The following CES3 variants were observed in gnomAD, a reference collection of about 807,000 sequenced individuals.
CES3 encodes carboxylesterase 3 (brain).
Under a neutral mutation model 57.6 loss-of-function variants are expected in CES3, and 49 were observed. The observed-to-expected ratio is 0.85, with a 90% CI of 0.68 to 1.08. The LOEUF (loss-of-function observed/expected upper bound fraction) is 1.08. Ranked by LOEUF, CES3 falls within the 50% of genes least tolerant of loss-of-function variation. CES3 has a pLI of 0.00. For missense variants in CES3, 645 were observed against 742.0 expected (o/e 0.87, Z 1.52); for synonymous variants, 266 against 281.6 (o/e 0.94, Z 0.55).
In CES3 at chr16:66,975,077, C is replaced by T. The variant is rs1282960631; in HGVS notation, c.*2028C>T. 6.6e-6 allele frequency: 1 copy of T among 152,268 alleles called. No homozygotes were observed. Among genetic ancestry groups the T allele is most frequent in the Non-Finnish European group, 1.5e-5 (1 of 68,104 alleles). The allele number at this position is 152,268 out of a possible 1,614,324, so 9.4% of individuals were successfully genotyped here. A position where few individuals can be genotyped will look rare whatever the true frequency, so the allele number is the denominator to read the frequency against. On this transcript the variant is annotated 3_prime_UTR_variant, in exon 13 of 13. Coordinates refer to ENST00000303334, the MANE Select transcript of CES3 (RefSeq NM_024922.6). ...GGCTGCCTGAGCCAGCAGTGACAAC[C>T]CCCCTCGGGTCCCCTCCCACGCCGT... is the stretch of plus-strand genomic sequence containing the variant.
intron 10 of CES3, 63 bp downstream of exon 10, chr16:66,971,382 C>A: frequency 1.9e-6 from 3 of 1,552,714 alleles, no homozygotes; most frequent in Non-Finnish European, 2.6e-6. Flanking sequence ...TGGGTCATCA[C>A]AGGTGACATG....
chr16:66,966,474 C>T, intron 7 of CES3, 129 bp downstream of exon 7: 1 of 978,700 alleles, frequency 1.0e-6, no homozygotes, highest in East Asian at 2.6e-5. Context: ...GGGGAAGGGG[C>T]TGAGGGCTTG....
At chr16:66,966,373 C>T (rs754629690) in intron 7 of CES3, 28 bp downstream of exon 7, 8 of 1,601,386 alleles carry the variant, frequency 5.0e-6, no homozygotes, top group East Asian at 2.2e-5. Context: ...GGGATGGTGC[C>T]GGGCAATGGC....
Position 66,966,357 on chromosome 16 carries a change from CT to C in CES3, c.921+16del, listed in dbSNP as rs2145534439. On this transcript the variant is annotated intron_variant, in intron 7 of 12. Transcript: ENST00000303334. ...TTAGCAAGAAGCTGGTATGGCCACC[CT>C]TTTGGGGATGGTGCCGGGCAATGGC... is the stretch of plus-strand genomic sequence containing the variant. The C allele has an allele frequency of 6.2e-7, 1 of 1,612,104 alleles. No individual in the cohort carries two copies. The highest frequency in any genetic ancestry group is 8.5e-7 in the Non-Finnish European group (1 of 1,178,840).
chr16:66,971,414 C>T (rs1963831735), intron 10 of CES3, 95 bp downstream of exon 10: 4 of 1,345,890 alleles, frequency 3.0e-6, no homozygotes, highest in Non-Finnish European at 4.2e-6. Context: ...TGCTGGTTCC[C>T]TCAATGCCTT....
chr16:66,966,593 C>A, intron 7 of CES3, 132 bp from the exon 8 acceptor site: 1 of 1,217,986 alleles, frequency 8.2e-7, no homozygotes, highest in Non-Finnish European at 1.2e-6. Context: ...CCCCCTTAAC[C>A]CTGGTGATCT....
chr16:66,961,843 C>T (rs1297725545), intron 1 of CES3, among the ~76,000 whole-genome samples: 2 of 152,126 alleles, frequency 1.3e-5, no homozygotes, highest in Non-Finnish European at 2.9e-5. Flanking sequence ...GGATTACAGG[C>T]GTGAGCCACC....
intron 8 of CES3, among the ~76,000 whole-genome samples, chr16:66,969,211 G>T (rs1199469572): frequency 6.6e-6 from 1 of 152,226 alleles, no homozygotes; most frequent in East Asian, 1.9e-4. Flanking sequence ...TGTGAGACCA[G>T]CCTGGCCAAC....
At position 66,964,469 on chromosome 16, in the gene CES3, G is replaced by C. The variant is rs770656919; in HGVS notation, c.673G>C (p.Val225Leu). ...CGGGGGTGACCTCAACTGTGTCACT[G>C]TCTTTGGTGGATCTGCCGGTGGGAG... ...PFGGDLNCVT[V>L]FGGSAGGSII... The change falls in exon 5 of 13, where the codon GTC (valine) becomes CTC (leucine). Residue 225 changes from valine (V) to leucine (L), a missense_variant. Val to Leu is a conservative substitution (Grantham distance 32). Transcript: ENST00000303334. 2.5e-6 allele frequency: 4 copies of C among 1,614,138 alleles called. No homozygotes were observed. The South Asian group carries it at 3.3e-5, about 13-fold the overall frequency.
rs770137603 is a variant in CES3 at position 66,972,348 on chromosome 16, C to G, written c.1292-8C>G. 1.9e-6 allele frequency: 3 copies of G among 1,583,520 alleles called. No individual in the cohort carries two copies. Among genetic ancestry groups the G allele is most frequent in the African/African-American group, 2.7e-5 (2 of 73,866 alleles). ...GTGCCTAACTCCCATCCCATCCTTT[C>G]TCTGTAGATTCTGGAAGCCCTGTCT... On this transcript the variant is annotated splice_region_variant and splice_polypyrimidine_tract_variant and intron_variant, in intron 10 of 12. Transcript: ENST00000303334.
rs375663615 is a variant in CES3, at chr16:66,970,866, G to A, written c.1144-306G>A. On this transcript the variant is annotated intron_variant, in intron 9 of 12. Coordinates refer to ENST00000303334, the MANE Select transcript of CES3 (RefSeq NM_024922.6). ...TTACTTCCCAGTTAACTTCAACCGA[G>A]CACCTGCTTCCAGGCCAGACCCTTT... Among the ~76,000 whole-genome samples, 282 of 152,308 alleles carry A rather than the reference G, an allele frequency of 1.9e-3. 11 individuals carry two copies. The South Asian group carries it at 0.057, about 31-fold the overall frequency.
intron 8 of CES3, among the ~76,000 whole-genome samples, chr16:66,968,325 T>G (rs1963771411): frequency 6.6e-6 from 1 of 152,000 alleles, no homozygotes; most frequent in African/African-American, 2.4e-5. Flanking sequence ...CCACCATGCC[T>G]GGCTAATTTT....
Position 66,973,141 on chromosome 16 carries a change from C to A in CES3, c.*92C>A. 8.8e-7 allele frequency: 1 copy of A among 1,141,272 alleles called. No homozygotes were observed. The highest frequency in any genetic ancestry group is 1.3e-6 in the Non-Finnish European group (1 of 796,886). The allele number at this position is 1,141,272 out of a possible 1,614,324, so 70.7% of individuals were successfully genotyped here. ...CAGCCCGCCTCTCCCCCTGCTGAGA[C>A]TTTAATCTCCACCAGCCCTTAAAGT... On this transcript the variant is annotated 3_prime_UTR_variant, in exon 13 of 13. Transcript: ENST00000303334.
chr16:66,970,109 G>GTT lies in CES3; in HGVS notation c.1143+366_1143+367dup, dbSNP rs369272818. Among the ~76,000 whole-genome samples, 73 of 127,966 alleles carry GTT rather than the reference G, an allele frequency of 5.7e-4. 1 individual carries two copies. Among genetic ancestry groups the GTT allele is most frequent in the African/African-American group, 1.4e-3 (46 of 32,518 alleles). The allele number at this position is 127,966 out of a possible 152,430, so 84.0% of individuals were successfully genotyped here. On this transcript the variant is annotated intron_variant, in intron 9 of 12. Coordinates refer to ENST00000303334, the MANE Select transcript of CES3 (RefSeq NM_024922.6). The stretch of plus-strand genomic sequence containing the variant: ...TGTTTTCTTTTCTTTTCTTTTCTTT[G>GTT]TTTTTTTTTTTTTTTTTGAGACAGA...
In CES3 at chr16:66,974,247, G is replaced by A. The variant is rs1597026489; in HGVS notation, c.*1198G>A. 6.5e-6 allele frequency: 1 copy of A among 152,892 alleles called. No homozygotes were observed. The highest frequency in any genetic ancestry group is 2.1e-4 in the South Asian group (1 of 4,848). The allele number at this position is 152,892 out of a possible 1,614,324, so 9.5% of individuals were successfully genotyped here. On this transcript the variant is annotated 3_prime_UTR_variant, in exon 13 of 13. Transcript: ENST00000303334. ...CCTTTCTGGGCTGGCCAAGGCCGGA[G>A]CCAGCTCCCTCAGCTTGCGGGGAGG...
chr16:66,972,258 T>G (rs1315545530), intron 10 of CES3, 98 bp from the exon 11 acceptor site: 1 of 1,212,224 alleles, frequency 8.2e-7, no homozygotes, highest in Non-Finnish European at 1.1e-6. Flanking sequence ...ATCATCATCA[T>G]CATCATGGAA....
chr16:66,973,474 ACT>A lies in CES3; in HGVS notation c.*428_*429del, dbSNP rs71649616. On this transcript the variant is annotated 3_prime_UTR_variant, in exon 13 of 13. Transcript: ENST00000303334. ...TCAAAATGGGGATTAGCCTAACCCC[ACT>A]CTGTCACCCACACCAGGATCGGGTG... 31 of 162,218 alleles carry A rather than the reference ACT, an allele frequency of 1.9e-4. No homozygotes were observed. In the East Asian group the frequency reaches 5.5e-3, roughly 29 times the overall value. 10.0% of individuals were successfully genotyped at this position (162,218 alleles called of 1,614,324 possible). A position where few individuals can be genotyped will look rare whatever the true frequency, so the allele number is the denominator to read the frequency against.
Position 66,963,004 on chromosome 16 carries a change from G to A in CES3, c.83-175G>A, listed in dbSNP as rs1316883880. The A allele has an allele frequency of 9.5e-6, 7 of 737,844 alleles. No homozygotes were observed. Among genetic ancestry groups the A allele is most frequent in the Non-Finnish European group, 1.7e-5 (7 of 418,204 alleles). The allele number at this position is 737,844 out of a possible 1,614,324, so 45.7% of individuals were successfully genotyped here. A position where few individuals can be genotyped will look rare whatever the true frequency, so the allele number is the denominator to read the frequency against. ...GGAGTGGAGTGGTAGTGACTCTCAGGCAGGCAGGGAGGAGGAAGTTGGGCG... is the reference window on the plus strand; with the variant it reads ...GGAGTGGAGTGGTAGTGACTCTCAGACAGGCAGGGAGGAGGAAGTTGGGCG... On this transcript the variant is annotated intron_variant, in intron 1 of 12. Transcript: ENST00000303334. The surrounding 1 kb of genome is among the most constrained non-coding windows in gnomAD (Gnocchi z 4.9).
chr16:66,967,464 G>GCATA, intron 8 of CES3: 1 of 984,248 alleles, frequency 1.0e-6, no homozygotes, highest in Non-Finnish European at 1.2e-6. Flanking sequence ...CAGGCTCTAT[G>GCATA]AGACTGGTTA....
Sources: gnomAD v4.1 joint callset for allele counts (sites outside exome capture counted in the v4.1 genomes callset) on GRCh38, gnomAD v4.1.1 for gene constraint, Gnocchi (gnomAD v3.1) non-coding constraint, MANE v1.5 for transcripts, NCBI Gene and HGNC (gene_info 2026-07-23, HGNC 2026-07-21) for gene names.